The following CTNNA3 variants were observed in gnomAD, a reference collection of about 807,000 sequenced individuals.
The protein encoded by CTNNA3 is catenin alpha 3, also known as catenin alpha-3.
In CTNNA3, 76 loss-of-function variants were observed where a neutral mutation model predicts 95.7. The observed-to-expected ratio is 0.79, with a 90% CI of 0.66 to 0.96. CTNNA3 has a LOEUF of 0.96. Ranked by LOEUF, CTNNA3 falls within the 40% of genes least tolerant of loss-of-function variation. CTNNA3 has a pLI of 0.00. For missense variants in CTNNA3, 1,191 were observed against 1,089.8 expected (o/e 1.09, Z -1.31); for synonymous variants, 431 against 374.4 (o/e 1.15, Z -1.74).
At chr10:67,199,376 T>C (rs1863528737) in intron 6 of CTNNA3, among the ~76,000 whole-genome samples, 1 of 151,972 alleles carries the variant, frequency 6.6e-6, no homozygotes, top group African/African-American at 2.4e-5. Flanking sequence ...GTTGTTGTTG[T>C]TGTTGTTTTT....
At chr10:67,737,803 G>A (rs952318011) in intron 1 of CTNNA3, among the ~76,000 whole-genome samples, 1 of 152,310 alleles carries the variant, frequency 6.6e-6, no homozygotes, top group Non-Finnish European at 1.5e-5. Context: ...TTACACTGTT[G>A]GTGGGACTGT....
At chr10:65,999,927 CAA>C (rs34353272) in intron 15 of CTNNA3, among the ~76,000 whole-genome samples, 19,187 of 127,680 alleles carry the variant, frequency 0.15, 1,276 homozygotes, top group East Asian at 0.23. Flanking sequence ...CAATAATAAT[CAA>C]AAAAAAAAAA....
chr10:67,430,131 C>A (rs7920229), intron 5 of CTNNA3, among the ~76,000 whole-genome samples: 19,279 of 151,942 alleles, frequency 0.13, 1,601 homozygotes, highest in East Asian at 0.35. Flanking sequence ...TTGGCTCCCA[C>A]CTCTATAGTC....
chr10:66,022,468 C>T (rs985689821), intron 15 of CTNNA3, among the ~76,000 whole-genome samples: 3 of 152,088 alleles, frequency 2.0e-5, no homozygotes, highest in African/African-American at 7.2e-5. Flanking sequence ...AAAGAATTCA[C>T]TGTTCCATGA....
chr10:67,604,526 T>C (rs77435298), intron 3 of CTNNA3, among the ~76,000 whole-genome samples: 1,903 of 152,244 alleles, frequency 0.012, 50 homozygotes, highest in African/African-American at 0.043. Context: ...GGAAGGCTAA[T>C]GCAATAATCC....
intron 1 of CTNNA3, among the ~76,000 whole-genome samples, chr10:67,733,940 C>A (rs192107073): frequency 3.3e-5 from 5 of 152,230 alleles, no homozygotes; most frequent in Non-Finnish European, 4.4e-5. Flanking sequence ...TTCACTTGAG[C>A]CCTTTAGAGG....
intron 9 of CTNNA3, among the ~76,000 whole-genome samples, chr10:66,758,787 T>C (rs1045315829): frequency 3.9e-5 from 6 of 151,980 alleles, no homozygotes; most frequent in Admixed American, 6.6e-5. Flanking sequence ...ATACAAAAAT[T>C]AGCCATGCGT....
intron 3 of CTNNA3, among the ~76,000 whole-genome samples, chr10:67,587,587 G>A (rs924564948): frequency 6.6e-6 from 1 of 152,118 alleles, no homozygotes; most frequent in Non-Finnish European, 1.5e-5. Flanking sequence ...CTGATAGTTT[G>A]ATGGAGTTTC....
chr10:65,940,044 G>T (rs968921064), intron 17 of CTNNA3, among the ~76,000 whole-genome samples: 2 of 152,126 alleles, frequency 1.3e-5, no homozygotes, highest in Non-Finnish European at 2.9e-5. Flanking sequence ...CAAGGAATTA[G>T]TTGAATATCC....
At chr10:67,188,669 T>TA (rs2132166725) in intron 6 of CTNNA3, among the ~76,000 whole-genome samples, 1 of 152,314 alleles carries the variant, frequency 6.6e-6, no homozygotes, top group South Asian at 2.1e-4. Context: ...ATGAAATCAG[T>TA]ATATCAAAGA....
intron 13 of CTNNA3, among the ~76,000 whole-genome samples, chr10:66,155,962 G>T (rs185711009): frequency 6.6e-6 from 1 of 151,834 alleles, no homozygotes; most frequent in African/African-American, 2.4e-5. Flanking sequence ...ATGAACAAAA[G>T]ATTGAAAAGA....
intron 15 of CTNNA3, among the ~76,000 whole-genome samples, chr10:66,049,581 G>A (rs1406141413): frequency 6.6e-6 from 1 of 152,116 alleles, no homozygotes; most frequent in Admixed American, 6.5e-5. Context: ...AGAAAATGTG[G>A]TACATACATA....
intron 7 of CTNNA3, chr10:67,099,299 T>TTA (rs1237174158): frequency 6.6e-6 from 1 of 151,738 alleles, no homozygotes; most frequent in Non-Finnish European, 1.5e-5. Context: ...TATTGTTACT[T>TTA]TATCAATAGT....
chr10:66,457,079 T>A (rs2131838348), intron 11 of CTNNA3, among the ~76,000 whole-genome samples: 1 of 152,162 alleles, frequency 6.6e-6, no homozygotes, highest in South Asian at 2.1e-4. Context: ...AGGCATCAAA[T>A]TGAGACCCTG....
At chr10:67,558,834 T>C (rs1227775415) in intron 3 of CTNNA3, among the ~76,000 whole-genome samples, 1 of 152,200 alleles carries the variant, frequency 6.6e-6, no homozygotes, top group East Asian at 1.9e-4. Flanking sequence ...CAGGAGATTA[T>C]ATCCCGCACA....
intron 7 of CTNNA3, among the ~76,000 whole-genome samples, chr10:67,025,737 T>C (rs1274893804): frequency 6.6e-6 from 1 of 152,120 alleles, no homozygotes; most frequent in Non-Finnish European, 1.5e-5. Context: ...CCAGACAAGT[T>C]ATAATGCCCA....
intron 5 of CTNNA3, among the ~76,000 whole-genome samples, chr10:67,371,019 G>C (rs1470716137): frequency 6.6e-6 from 1 of 150,676 alleles, no homozygotes; most frequent in Non-Finnish European, 1.5e-5. Context: ...GGCGCCCGCC[G>C]CTACGCCCGG....
intron 7 of CTNNA3, among the ~76,000 whole-genome samples, chr10:66,828,931 C>A (rs752005235): frequency 6.6e-6 from 1 of 152,176 alleles, no homozygotes; most frequent in East Asian, 1.9e-4. Flanking sequence ...GTGCCATTCA[C>A]GTAGAGTAAA....
chr10:67,271,636 A>G (rs1352865263), intron 5 of CTNNA3, among the ~76,000 whole-genome samples: 2 of 152,204 alleles, frequency 1.3e-5, no homozygotes, highest in Non-Finnish European at 2.9e-5. Context: ...CCTCTCTGTC[A>G]ATTGTCCTTA....
Sources: gnomAD v4.1 joint callset for allele counts (sites outside exome capture counted in the v4.1 genomes callset) on GRCh38, gnomAD v4.1.1 for gene constraint, MANE v1.5 for transcripts, NCBI Gene and HGNC (gene_info 2026-07-23, HGNC 2026-07-21) for gene names.